Variants in XPO5 observed in about 807,000 individuals in gnomAD.
The protein encoded by XPO5 is exportin-5.
A neutral mutation model predicts 160.6 loss-of-function variants in XPO5; 46 were observed. The ratio of observed to expected loss-of-function variants is 0.29; its 90% CI spans 0.23 to 0.37. XPO5 has a LOEUF of 0.37. Ranked by LOEUF, XPO5 falls within the 10% of genes least tolerant of loss-of-function variation. XPO5 has a pLI of 1.00. For missense variants in XPO5, 1,090 were observed against 1,463.9 expected (o/e 0.74, Z 4.17); for synonymous variants, 537 against 519.3 (o/e 1.03, Z -0.46).
chr6:43,549,671 T>C (rs1190388492), intron 16 of XPO5, 93 bp from the exon 17 acceptor site: 13 of 1,425,560 alleles, frequency 9.1e-6, no homozygotes, highest in Non-Finnish European at 1.2e-5. Flanking sequence ...CAGGGGCAAA[T>C]TCACAATGAT....
At chr6:43,574,424 T>C (rs1020554361) in intron 1 of XPO5, among the ~76,000 whole-genome samples, 4 of 150,262 alleles carry the variant, frequency 2.7e-5, no homozygotes, top group African/African-American at 9.7e-5. Flanking sequence ...AAATATAAAA[T>C]ATATAAAAGT....
rs572155953 is a variant in XPO5, at chr6:43,538,846, C to T, written c.2343-4839G>A. 1.3e-4 allele frequency: 163 copies of T among 1,221,260 alleles called. 4 individuals carry two copies. In the South Asian group the frequency reaches 2.0e-3, roughly 15 times the overall value. 75.7% of individuals were successfully genotyped at this position (1,221,260 alleles called of 1,614,324 possible). A position where few individuals can be genotyped will look rare whatever the true frequency, so the allele number is the denominator to read the frequency against. On this transcript the variant is annotated intron_variant, in intron 20 of 31. Transcript: ENST00000265351. Reference sequence around the variant, plus strand: ...CCTATGTTGTAGCCACAGCTGGAGCCTGGGTCTGCTGCACAGAGACTCTGG... The same window carrying T: ...CCTATGTTGTAGCCACAGCTGGAGCTTGGGTCTGCTGCACAGAGACTCTGG...
chr6:43,564,562 A>T (rs1171492139), intron 8 of XPO5, among the ~76,000 whole-genome samples: 1 of 152,086 alleles, frequency 6.6e-6, no homozygotes, highest in Non-Finnish European at 1.5e-5. Flanking sequence ...TTCAATAATG[A>T]ATTAACTTTA....
At chr6:43,547,546 A>G in intron 19 of XPO5, 62 bp downstream of exon 19, 5 of 1,516,182 alleles carry the variant, frequency 3.3e-6, no homozygotes, top group Non-Finnish European at 4.6e-6. Context: ...AAACTTGACA[A>G]AAGACAACAC....
chr6:43,528,972 C>T (rs538910409), intron 23 of XPO5, 47 bp from the exon 24 acceptor site: 4 of 1,555,516 alleles, frequency 2.6e-6, no homozygotes, highest in Admixed American at 3.7e-5. Flanking sequence ...ACACATCTCT[C>T]ACCTGCCAGG....
At chr6:43,524,206 G>C (rs56132926) in intron 31 of XPO5, among the ~76,000 whole-genome samples, 1 of 152,120 alleles carries the variant, frequency 6.6e-6, no homozygotes, top group African/African-American at 2.4e-5. Flanking sequence ...ACAAAAAGTA[G>C]CCAGACGTGG....
chr6:43,527,598 A>T (rs1793681083), intron 26 of XPO5, 36 bp downstream of exon 26: 1 of 1,608,674 alleles, frequency 6.2e-7, no homozygotes, highest in Admixed American at 1.7e-5. Context: ...CTTCCAGGAA[A>T]ATCCTCTATA....
chr6:43,544,704 G>A (rs1794880134), intron 20 of XPO5, among the ~76,000 whole-genome samples: 1 of 152,134 alleles, frequency 6.6e-6, no homozygotes, highest in South Asian at 2.1e-4. Context: ...AGCAGGCTCA[G>A]CTGTCCGAGA....
chr6:43,528,936 A>C lies in XPO5; in HGVS notation c.2678-11T>G. On this transcript the variant is annotated splice_polypyrimidine_tract_variant and intron_variant, in intron 23 of 31. Coordinates refer to ENST00000265351, the MANE Select transcript of XPO5 (RefSeq NM_020750.3). Reference sequence around the variant, plus strand: ...GCTTTACAAAGACACGTGCTGCAACAAGTTAAGAAATTTTAGTGCATAGGC... The same window carrying C: ...GCTTTACAAAGACACGTGCTGCAACCAGTTAAGAAATTTTAGTGCATAGGC... 2.5e-6 allele frequency: 4 copies of C among 1,608,284 alleles called. No individual in the cohort carries two copies. Among genetic ancestry groups the C allele is most frequent in the Non-Finnish European group, 3.4e-6 (4 of 1,177,958 alleles).
At chr6:43,558,456 C>G in intron 12 of XPO5, 45 bp downstream of exon 12, 1 of 1,497,610 alleles carries the variant, frequency 6.7e-7, no homozygotes, top group South Asian at 1.3e-5. Flanking sequence ...ATACTAGATG[C>G]CATTCTGAGA....
chr6:43,554,757 A>G lies in XPO5; in HGVS notation c.1441+1079T>C, dbSNP rs1023046371. Among the ~76,000 whole-genome samples the G allele has an allele frequency of 5.9e-5, 9 of 152,132 alleles. No homozygotes were observed. The South Asian group carries it at 1.7e-3, about 28-fold the overall frequency. On this transcript the variant is annotated intron_variant, in intron 13 of 31. Coordinates refer to ENST00000265351, the MANE Select transcript of XPO5 (RefSeq NM_020750.3). ...CCAATTGCTTTTCTTGCTTACATAC[A>G]GCGTAGTCCTATTTACTAGTTTCAT...
intron 1 of XPO5, among the ~76,000 whole-genome samples, chr6:43,573,830 T>A (rs866103577): frequency 0.014 from 1,914 of 138,168 alleles, 41 homozygotes; most frequent in African/African-American, 0.051. Context: ...TATATTTTTT[T>A]TTTTTTTTTT....
intron 20 of XPO5, among the ~76,000 whole-genome samples, chr6:43,537,441 C>T (rs1001047563): frequency 2.6e-5 from 4 of 152,036 alleles, no homozygotes; most frequent in Admixed American, 6.6e-5. Context: ...CCAGAGGTCA[C>T]ATTCATACAT....
intron 27 of XPO5, 177 bp downstream of exon 27, chr6:43,526,508 C>G (rs1235210190): frequency 1.5e-6 from 1 of 653,732 alleles, no homozygotes; most frequent in Admixed American, 2.5e-5. Flanking sequence ...ACAGCAAGTG[C>G]AAAGGCTTGG....
rs1198751987 is a variant in XPO5 at position 43,571,042 on chromosome 6, G to C, written c.301-48C>G. 6 of 1,564,110 alleles carry C rather than the reference G, an allele frequency of 3.8e-6. No homozygotes were observed. The East Asian group carries it at 6.8e-5, about 18-fold the overall frequency. Reference sequence around the variant, plus strand: ...AAGAGATATGCAAGACTGGATTCCAGACTTCCAGAAAAAAGCTGGGCTGTA... The same window carrying C: ...AAGAGATATGCAAGACTGGATTCCACACTTCCAGAAAAAAGCTGGGCTGTA... On this transcript the variant is annotated intron_variant, in intron 3 of 31. Coordinates refer to ENST00000265351, the MANE Select transcript of XPO5 (RefSeq NM_020750.3).
intron 20 of XPO5, among the ~76,000 whole-genome samples, chr6:43,543,053 G>A (rs1239742424): frequency 6.6e-6 from 1 of 152,192 alleles, no homozygotes; most frequent in Non-Finnish European, 1.5e-5. Flanking sequence ...GTACATTCAT[G>A]CAGTAACATG....
intron 20 of XPO5, among the ~76,000 whole-genome samples, chr6:43,542,042 C>CA (rs1794722710): frequency 6.6e-6 from 1 of 152,124 alleles, no homozygotes; most frequent in South Asian, 2.1e-4. Flanking sequence ...CTTAGCCTCC[C>CA]AAAGTGCTAG....
rs758558062 is a variant in XPO5, at chr6:43,560,995, C to T, written c.1024G>A (p.Asp342Asn). The T allele has an allele frequency of 6.2e-7, 1 of 1,613,810 alleles. No individual in the cohort carries two copies. The highest frequency in any genetic ancestry group is 8.5e-7 in the Non-Finnish European group (1 of 1,179,768). The change falls in exon 10 of 32, where the codon GAT (aspartate) becomes AAT (asparagine). Residue 342 changes from aspartate (D) to asparagine (N), a missense_variant. This residue lies in a region of XPO5 where 810 missense variants were observed against 1,139.0 expected (regional missense o/e 0.71). Coordinates refer to ENST00000265351, the MANE Select transcript of XPO5 (RefSeq NM_020750.3). ...QLCALLGADSDVETPSNFGKY... is the reference protein window; with the variant it reads ...QLCALLGADSNVETPSNFGKY... Reference sequence around the variant, plus strand: ...CCAAAGTTTGATGGTGTTTCTACATCAGAATCTGCACCCTGTAGGAGAAGA... The same window carrying T: ...CCAAAGTTTGATGGTGTTTCTACATTAGAATCTGCACCCTGTAGGAGAAGA...
At position 43,555,961 on chromosome 6, in the gene XPO5, G is replaced by A. The variant is rs1172143796; in HGVS notation, c.1316C>T (p.Ser439Phe). 1 of 1,613,506 alleles carries A rather than the reference G, an allele frequency of 6.2e-7. No homozygotes were observed. The highest frequency in any genetic ancestry group is 1.7e-5 in the Admixed American group (1 of 59,878). ...CATCACCTCTCCTTGTTGTGCTCGG[G>A]AGGCTGCCAAGAGAAAATGCCAAGG... ...DEDFNAFFNS[S>F]RAQQGEVMRL... Residue 439 changes from serine to phenylalanine, a missense_variant, in exon 13 of 32, where the codon TCC (serine) becomes TTC (phenylalanine). Coordinates refer to ENST00000265351, the MANE Select transcript of XPO5 (RefSeq NM_020750.3).
Sources: gnomAD v4.1 joint callset for allele counts (sites outside exome capture counted in the v4.1 genomes callset) on GRCh38, gnomAD v4.1.1 for gene constraint, gnomAD v4.1.1 regional missense constraint, MANE v1.5 for transcripts, NCBI Gene and HGNC (gene_info 2026-07-23, HGNC 2026-07-21) for gene names.